Variants in PRTFDC1 observed in about 807,000 individuals in gnomAD.
PRTFDC1 encodes phosphoribosyltransferase domain-containing protein 1.
PRTFDC1 carries 38 observed loss-of-function variants against 34.6 expected under a neutral mutation model. The ratio of observed to expected loss-of-function variants is 1.10; its 90% CI spans 0.85 to 1.44. The LOEUF (loss-of-function observed/expected upper bound fraction) is 1.44. PRTFDC1 is among the 40% of genes most tolerant of loss of function. The pLI, the probability that PRTFDC1 is intolerant of heterozygous loss-of-function variation, is 0.00. For missense variants in PRTFDC1, 270 were observed against 283.0 expected (o/e 0.95, Z 0.33); for synonymous variants, 93 against 98.1 (o/e 0.95, Z 0.31).
rs1491555567 is a variant in PRTFDC1 at position 24,872,807 on chromosome 10, T to TATATATATATA, written c.340-745_340-744insTATATATATAT. Among the ~76,000 whole-genome samples the TATATATATATA allele has an allele frequency of 3.2e-3, 270 of 83,192 alleles. 1 individual carries two copies. The highest frequency in any genetic ancestry group is 0.02 in the African/African-American group (257 of 12,816). The allele number at this position is 83,192 out of a possible 152,430, so 54.6% of individuals were successfully genotyped here. ...GTGTGTGTATATATATATATATATATTTTTTTTTTTTTTTTTTTTTGAGAC... is the reference window on the plus strand; with the variant it reads ...GTGTGTGTATATATATATATATATATATATATATATATTTTTTTTTTTTTTTTTTTTGAGAC... On this transcript the variant is annotated intron_variant, in intron 3 of 8. Transcript: ENST00000320152.
chr10:24,887,572 C>T (rs1478970851), intron 3 of PRTFDC1, among the ~76,000 whole-genome samples: 2 of 151,960 alleles, frequency 1.3e-5, no homozygotes, highest in Admixed American at 1.3e-4. Flanking sequence ...CCTCCCCAGC[C>T]CTGCAGAACT....
chr10:24,877,731 C>T (rs1488687188), intron 3 of PRTFDC1, among the ~76,000 whole-genome samples: 1 of 152,092 alleles, frequency 6.6e-6, no homozygotes. Context: ...AGCGATTCTC[C>T]CACTTCACCC....
At chr10:24,933,330 TATATC>T (rs1452664573) in intron 3 of PRTFDC1, among the ~76,000 whole-genome samples, 1 of 151,864 alleles carries the variant, frequency 6.6e-6, no homozygotes, top group Non-Finnish European at 1.5e-5. Flanking sequence ...GACTAAAAAA[TATATC>T]AAAACACATA....
chr10:24,939,376 A>G (rs2132611365), intron 2 of PRTFDC1, among the ~76,000 whole-genome samples: 1 of 152,222 alleles, frequency 6.6e-6, no homozygotes, highest in African/African-American at 2.4e-5. Context: ...AATGAATAGA[A>G]AATAGTTATA....
intron 3 of PRTFDC1, among the ~76,000 whole-genome samples, chr10:24,932,852 G>A (rs1384008301): frequency 6.6e-6 from 1 of 151,996 alleles, no homozygotes; most frequent in African/African-American, 2.4e-5. Context: ...AAAGTTGGAG[G>A]ACACATACTA....
At chr10:24,869,204 T>C (rs546625012) in intron 4 of PRTFDC1, among the ~76,000 whole-genome samples, 2 of 151,948 alleles carry the variant, frequency 1.3e-5, no homozygotes, top group Non-Finnish European at 2.9e-5. Flanking sequence ...GTGGGTCATA[T>C]GAAGGCCTTT....
At chr10:24,875,969 C>A (rs758308281) in intron 3 of PRTFDC1, among the ~76,000 whole-genome samples, 1 of 151,338 alleles carries the variant, frequency 6.6e-6, no homozygotes, top group African/African-American at 2.4e-5. Context: ...AATCCTCCTG[C>A]CTTGGCTTCC....
chr10:24,940,165 A>G (rs1465797574), intron 2 of PRTFDC1, among the ~76,000 whole-genome samples: 1 of 152,230 alleles, frequency 6.6e-6, no homozygotes, highest in Non-Finnish European at 1.5e-5. Context: ...ATCAGTAAGC[A>G]TATAGTTGAA....
At chr10:24,949,081 T>C (rs1849296485) in intron 1 of PRTFDC1, among the ~76,000 whole-genome samples, 2 of 152,148 alleles carry the variant, frequency 1.3e-5, no homozygotes, top group Admixed American at 1.3e-4. Flanking sequence ...ATGCTTGCTA[T>C]TATTACCTGC....
chr10:24,945,043 C>A (rs1849232151), intron 1 of PRTFDC1, among the ~76,000 whole-genome samples: 1 of 152,186 alleles, frequency 6.6e-6, no homozygotes, highest in African/African-American at 2.4e-5. Context: ...GCCTGCAACA[C>A]TCTTCCTCCA....
At chr10:24,863,524 C>G (rs1847720862) in intron 4 of PRTFDC1, among the ~76,000 whole-genome samples, 1 of 152,140 alleles carries the variant, frequency 6.6e-6, no homozygotes, top group Non-Finnish European at 1.5e-5. Context: ...AACACAACAT[C>G]CATTTTGCAG....
intron 3 of PRTFDC1, among the ~76,000 whole-genome samples, chr10:24,933,708 T>C (rs2132602527): frequency 6.6e-6 from 1 of 151,982 alleles, no homozygotes; most frequent in Non-Finnish European, 1.5e-5. Context: ...TTTTTTTTTT[T>C]TTTGAGATGG....
intron 3 of PRTFDC1, among the ~76,000 whole-genome samples, chr10:24,905,149 CAAAA>C (rs879788631): frequency 7.8e-6 from 1 of 128,942 alleles, no homozygotes; most frequent in African/African-American, 2.9e-5. Context: ...TCTAGAAGTA[CAAAA>C]AAAAAAAAAA....
intron 3 of PRTFDC1, among the ~76,000 whole-genome samples, chr10:24,924,269 C>T (rs1295189396): frequency 2.0e-5 from 3 of 152,154 alleles, no homozygotes; most frequent in Non-Finnish European, 4.4e-5. Flanking sequence ...CCTAGCAAGG[C>T]AGGCCAACAT....
At chr10:24,931,332 A>G (rs569185898) in intron 3 of PRTFDC1, among the ~76,000 whole-genome samples, 10 of 152,224 alleles carry the variant, frequency 6.6e-5, no homozygotes, top group African/African-American at 2.2e-4. Context: ...AAACTAGGAA[A>G]ATAAAAGAAA....
intron 3 of PRTFDC1, among the ~76,000 whole-genome samples, chr10:24,872,363 C>T (rs766477527): frequency 6.6e-6 from 1 of 152,102 alleles, no homozygotes; most frequent in Non-Finnish European, 1.5e-5. Flanking sequence ...CTGAGCCTAT[C>T]CTGGAGCAGA....
intron 3 of PRTFDC1, among the ~76,000 whole-genome samples, chr10:24,891,769 C>A (rs1848266176): frequency 6.6e-6 from 1 of 152,006 alleles, no homozygotes; most frequent in South Asian, 2.1e-4. Context: ...TCATTAACAA[C>A]AACAAAAAAG....
At position 24,866,934 on chromosome 10, in the gene PRTFDC1, GAGAA is replaced by G. The variant is rs555549173; in HGVS notation, c.405+5060_405+5063del. ...AGAACAAAAAAAGCAAGGAAGAGAT[GAGAA>G]AGAAAGGTAGTTTCTCGGGGTTCAA... On this transcript the variant is annotated intron_variant, in intron 4 of 8. Coordinates refer to ENST00000320152, the MANE Select transcript of PRTFDC1 (RefSeq NM_020200.7). Among the ~76,000 whole-genome samples the G allele has an allele frequency of 5.4e-4, 82 of 150,774 alleles. 1 individual carries two copies. Among genetic ancestry groups the G allele is most frequent in the African/African-American group, 1.8e-3 (74 of 41,086 alleles).
chr10:24,852,159 A>G (rs1847502312), intron 7 of PRTFDC1, among the ~76,000 whole-genome samples: 1 of 152,092 alleles, frequency 6.6e-6, no homozygotes, highest in African/African-American at 2.4e-5. Context: ...TTCATTGAAA[A>G]GATGATGATT....
Sources: allele counts gnomAD v4.1 joint callset (sites outside exome capture counted in the v4.1 genomes callset), GRCh38; gene constraint gnomAD v4.1.1; transcripts MANE v1.5; gene names NCBI Gene and HGNC (gene_info 2026-07-23, HGNC 2026-07-21).